The following CCDC66 variants were observed in gnomAD, a reference collection of about 807,000 sequenced individuals.
The protein encoded by CCDC66 is coiled-coil domain-containing protein 66.
A neutral mutation model predicts 128.3 loss-of-function variants in CCDC66; 133 were observed. That is an observed-to-expected ratio of 1.04 (90% CI 0.90 to 1.20). The LOEUF (loss-of-function observed/expected upper bound fraction) is 1.20. Among genes scored for constraint, CCDC66 ranks in the 50% most tolerant of loss-of-function variants. The pLI is 0.00. For missense variants in CCDC66, 1,126 were observed against 1,075.5 expected (o/e 1.05, Z -0.66); for synonymous variants, 387 against 357.0 (o/e 1.08, Z -0.95).
chr3:56,606,316 T>A (rs35803417), intron 10 of CCDC66, among the ~76,000 whole-genome samples: 4,867 of 152,000 alleles, frequency 0.032, 116 homozygotes, highest in Middle Eastern at 0.078. Flanking sequence ...CAGGCACCAC[T>A]GGGGTATGGA....
rs1189958351 is a variant in CCDC66, at chr3:56,566,670, T to G, written c.621T>G (p.Thr207=). The G allele has an allele frequency of 6.2e-7, 1 of 1,612,000 alleles. No homozygotes were observed. The highest frequency in any genetic ancestry group is 8.5e-7 in the Non-Finnish European group (1 of 1,178,132). ...ACATTATGGGATTATTCAAAAAAAC[T>G]GAAATGGTTTCATCTGTCCCAGCTG... ...DENIMGLFKK[T]EMVSSVPAEN... The change falls in exon 5 of 18, where the codon ACT becomes ACG. Residue 207 remains threonine (T), a synonymous_variant. Coordinates refer to ENST00000394672, the MANE Select transcript of CCDC66 (RefSeq NM_001141947.3).
chr3:56,558,637 T>C, intron 1 of CCDC66: 3 of 577,804 alleles, frequency 5.2e-6, no homozygotes, highest in South Asian at 3.8e-5. Flanking sequence ...GCTTGTAGTA[T>C]TGAAGAGTTT....
intron 7 of CCDC66, chr3:56,572,210 T>C (rs1294594093): frequency 2.3e-6 from 1 of 429,594 alleles, no homozygotes; most frequent in East Asian, 7.2e-5. Flanking sequence ...TGTTTAGTTA[T>C]CAAATATACA....
At chr3:56,618,326 G>C (rs1000207920) in intron 15 of CCDC66, 114 bp downstream of exon 15, 28 of 962,128 alleles carry the variant, frequency 2.9e-5, no homozygotes, top group Non-Finnish European at 4.0e-5. Context: ...AATCAGAAAG[G>C]GTGTGGCTTC....
At chr3:56,587,798 G>T (rs918884506) in intron 7 of CCDC66, among the ~76,000 whole-genome samples, 1 of 152,170 alleles carries the variant, frequency 6.6e-6, no homozygotes, top group African/African-American at 2.4e-5. Flanking sequence ...GAATCCAGGA[G>T]GCAGAGGTTG....
intron 7 of CCDC66, among the ~76,000 whole-genome samples, chr3:56,591,891 TCAAA>T (rs1396351017): frequency 2.6e-5 from 4 of 152,236 alleles, no homozygotes; most frequent in Non-Finnish European, 5.9e-5. Flanking sequence ...TAGGATTCTG[TCAAA>T]CAGTTTTTCT....
intron 10 of CCDC66, among the ~76,000 whole-genome samples, chr3:56,611,813 C>T (rs570496274): frequency 3.3e-5 from 5 of 152,294 alleles, no homozygotes; most frequent in Non-Finnish European, 5.9e-5. Flanking sequence ...TGACTCAGCC[C>T]CAGGTAAAGT....
chr3:56,607,493 C>G (rs762983867), intron 10 of CCDC66, among the ~76,000 whole-genome samples: 15 of 152,250 alleles, frequency 9.9e-5, no homozygotes, highest in African/African-American at 2.9e-4. Flanking sequence ...AATCTTGTAT[C>G]TGGAAACTTT....
rs187761786 is a variant in CCDC66 at position 56,615,611 on chromosome 3, A to G, written c.1712-311A>G. On this transcript the variant is annotated intron_variant, in intron 12 of 17. Transcript: ENST00000394672. ...TAGGAATATCAGACTTTAAACTAGT[A>G]TAATTTTATAAATAGGAATGCTTAA... Among the ~76,000 whole-genome samples, 26 of 152,320 alleles carry G rather than the reference A, an allele frequency of 1.7e-4. No homozygotes were observed. The East Asian group carries it at 3.9e-3, about 23-fold the overall frequency.
chr3:56,605,816 G>A (rs1380871514), intron 10 of CCDC66, among the ~76,000 whole-genome samples: 1 of 152,090 alleles, frequency 6.6e-6, no homozygotes, highest in Non-Finnish European at 1.5e-5. Context: ...GCGATCCACT[G>A]CTCTCTTCAG....
chr3:56,557,163 G>C (rs1336440793), upstream of CCDC66: 4 of 1,541,956 alleles, frequency 2.6e-6, no homozygotes, highest in Non-Finnish European at 2.6e-6. Context: ...TCCAATTGGC[G>C]TAGCGCTTGC....
At position 56,558,848 on chromosome 3, in the gene CCDC66, A is replaced by G. The variant is rs200386928; in HGVS notation, c.14A>G (p.Asp5Gly). The change falls in exon 2 of 18, where the codon GAT becomes GGT. Residue 5 changes from aspartate to glycine, a missense_variant and splice_region_variant. Asp to Gly is a moderately conservative substitution (Grantham distance 94). Coordinates refer to ENST00000394672, the MANE Select transcript of CCDC66 (RefSeq NM_001141947.3). MNLG[D>G]GLKLETELLD... ...ACAACTTTCTTTTTTTATTACAGAG[A>G]TGGTTTAAAGCTTGAAACTGAATTA... 2.8e-4 allele frequency: 430 copies of G among 1,546,610 alleles called. 2 individuals are homozygous for G. The Middle Eastern group carries it at 0.012, about 43-fold the overall frequency.
intron 7 of CCDC66, among the ~76,000 whole-genome samples, chr3:56,589,092 A>T (rs927206489): frequency 1.3e-5 from 2 of 152,216 alleles, no homozygotes; most frequent in African/African-American, 4.8e-5. Context: ...TAAGCCCCTC[A>T]TAAAATCGAG....
rs1307761300 is a variant in CCDC66 at position 56,585,796 on chromosome 3, T to C, written c.937-7174T>C. On this transcript the variant is annotated intron_variant, in intron 7 of 17. Transcript: ENST00000394672. ...ATAGACATACTCAGACCTGAATAAT[T>C]ACATAAAATATTTCTCCCAAATATT... is the stretch of plus-strand genomic sequence containing the variant. Among the ~76,000 whole-genome samples, 2 of 151,892 alleles carry C rather than the reference T, an allele frequency of 1.3e-5. 1 individual carries two copies. Among genetic ancestry groups the C allele is most frequent in the Admixed American group, 1.3e-4 (2 of 15,122 alleles).
In CCDC66 at chr3:56,591,383, TAAAC is replaced by T. The variant is rs2070863613; in HGVS notation, c.937-1583_937-1580del. 3.9e-5 allele frequency among the ~76,000 whole-genome samples: 6 copies of T among 152,262 alleles called. No individual in the cohort carries two copies. In the South Asian group the frequency reaches 1.3e-3, roughly 32 times the overall value. ...GAATCAGATCTGGTTACATCAAACT[TAAAC>T]AAATATACAGCATCCACTCTTTTAG... On this transcript the variant is annotated intron_variant, in intron 7 of 17. Coordinates refer to ENST00000394672, the MANE Select transcript of CCDC66 (RefSeq NM_001141947.3).
At chr3:56,574,121 T>C (rs2067037344) in intron 7 of CCDC66, among the ~76,000 whole-genome samples, 1 of 151,612 alleles carries the variant, frequency 6.6e-6, no homozygotes. Flanking sequence ...TCCAGCACTT[T>C]GGGAGGCCGA....
At chr3:56,621,380 G>T in intron 17 of CCDC66, 152 bp from the exon 18 acceptor site, 1 of 487,548 alleles carries the variant, frequency 2.1e-6, no homozygotes, top group East Asian at 3.1e-5. Context: ...CAAATGAGGT[G>T]GTCTAGTACA....
intron 7 of CCDC66, among the ~76,000 whole-genome samples, chr3:56,591,452 G>A (rs1186202794): frequency 6.6e-6 from 1 of 152,070 alleles, no homozygotes; most frequent in Non-Finnish European, 1.5e-5. Context: ...ACGGTCTTGG[G>A]CAACAGATGA....
At chr3:56,618,296 A>G (rs1404414603) in intron 15 of CCDC66, 84 bp downstream of exon 15, 15 of 1,170,526 alleles carry the variant, frequency 1.3e-5, no homozygotes, top group Non-Finnish European at 1.9e-5. Context: ...GGACAGCATC[A>G]TATGGTATAT....
Sources: allele counts gnomAD v4.1 joint callset (sites outside exome capture counted in the v4.1 genomes callset), GRCh38; gene constraint gnomAD v4.1.1; transcripts MANE v1.5; gene names NCBI Gene and HGNC (gene_info 2026-07-23, HGNC 2026-07-21).